The following RPGRIP1L variants were observed in gnomAD, a reference collection of about 807,000 sequenced individuals.
The protein encoded by RPGRIP1L is protein fantom.
RPGRIP1L carries 131 observed loss-of-function variants against 160.4 expected under a neutral mutation model. The ratio of observed to expected loss-of-function variants is 0.82; its 90% confidence interval spans 0.71 to 0.94. The LOEUF (loss-of-function observed/expected upper bound fraction) is 0.94. RPGRIP1L is among the 40% of genes least tolerant of loss of function. The pLI, the probability that RPGRIP1L is intolerant of heterozygous loss-of-function variation, is 0.00. For missense variants in RPGRIP1L, 1,522 were observed against 1,535.8 expected (o/e 0.99, Z 0.15); for synonymous variants, 510 against 515.8 (o/e 0.99, Z 0.15).
chr16:53,697,187 CAAA>C (rs889148406), intron 2 of RPGRIP1L, among the ~76,000 whole-genome samples: 1 of 107,558 alleles, frequency 9.3e-6, no homozygotes. Flanking sequence ...GACTCTGTCT[CAAA>C]AAAAAAAAAG....
At chr16:53,627,719 A>G (rs558231108) in intron 22 of RPGRIP1L, among the ~76,000 whole-genome samples, 53 of 152,224 alleles carry the variant, frequency 3.5e-4, no homozygotes, top group African/African-American at 1.1e-3. Flanking sequence ...CTTATTAATC[A>G]TTCTGCAATT....
intron 22 of RPGRIP1L, among the ~76,000 whole-genome samples, chr16:53,625,630 C>A (rs900477886): frequency 1.3e-5 from 2 of 152,266 alleles, no homozygotes; most frequent in Admixed American, 1.3e-4. Flanking sequence ...GCCGCCACCC[C>A]GTCTGGGACG....
intron 9 of RPGRIP1L, among the ~76,000 whole-genome samples, chr16:53,666,243 C>T (rs1968236434): frequency 6.6e-6 from 1 of 152,156 alleles, no homozygotes; most frequent in African/African-American, 2.4e-5. Flanking sequence ...ATTTTACTGC[C>T]TTTAAGATAA....
At chr16:53,660,962 A>C (rs1314048214) in intron 10 of RPGRIP1L, among the ~76,000 whole-genome samples, 2 of 151,906 alleles carry the variant, frequency 1.3e-5, no homozygotes, top group African/African-American at 4.8e-5. Flanking sequence ...TTACAAGGTT[A>C]TCCTAGAGTA....
chr16:53,607,503 T>C (rs1963761699), intron 25 of RPGRIP1L, among the ~76,000 whole-genome samples: 1 of 152,180 alleles, frequency 6.6e-6, no homozygotes, highest in Non-Finnish European at 1.5e-5. Flanking sequence ...TAAAACTGCT[T>C]GGAAGAGGAG....
intron 25 of RPGRIP1L, among the ~76,000 whole-genome samples, chr16:53,609,929 C>G (rs1485359431): frequency 6.6e-6 from 1 of 152,162 alleles, no homozygotes; most frequent in Non-Finnish European, 1.5e-5. Context: ...TTTGGAAGCT[C>G]TTTTGAAAAA....
chr16:53,653,193 T>C (rs138381156), intron 14 of RPGRIP1L: 4 of 542,978 alleles, frequency 7.4e-6, no homozygotes, highest in Non-Finnish European at 7.0e-6. Flanking sequence ...AGCAACAAAA[T>C]TGCAACTTCA....
intron 10 of RPGRIP1L, among the ~76,000 whole-genome samples, chr16:53,662,756 T>C (rs1235670714): frequency 6.6e-6 from 1 of 152,076 alleles, no homozygotes; most frequent in Admixed American, 6.5e-5. Flanking sequence ...ATCTGAGGTA[T>C]TCAAACAAAA....
intron 16 of RPGRIP1L, among the ~76,000 whole-genome samples, chr16:53,647,457 T>C (rs999880594): frequency 1.3e-5 from 2 of 152,228 alleles, no homozygotes; most frequent in African/African-American, 2.4e-5. Flanking sequence ...ACTCATTGTG[T>C]TACCTTCGCT....
intron 24 of RPGRIP1L, among the ~76,000 whole-genome samples, chr16:53,612,761 A>T (rs55662133): frequency 0.22 from 32,833 of 152,092 alleles, 3,687 homozygotes; most frequent in Middle Eastern, 0.35. Context: ...AAAATTTACC[A>T]TCCTAAATTA....
chr16:53,637,466 A>G (rs1425451152), intron 21 of RPGRIP1L, among the ~76,000 whole-genome samples: 1 of 152,226 alleles, frequency 6.6e-6, no homozygotes, highest in Non-Finnish European at 1.5e-5. Flanking sequence ...ATGGTCAGCA[A>G]TAACACTTGT....
intron 17 of RPGRIP1L, among the ~76,000 whole-genome samples, chr16:53,642,935 T>C (rs994582294): frequency 1.3e-5 from 2 of 152,306 alleles, no homozygotes; most frequent in African/African-American, 2.4e-5. Flanking sequence ...TCAATACTGG[T>C]TGGGGCAAGC....
intron 9 of RPGRIP1L, among the ~76,000 whole-genome samples, chr16:53,666,895 C>T (rs1968315031): frequency 6.6e-6 from 1 of 152,000 alleles, no homozygotes; most frequent in Non-Finnish European, 1.5e-5. Flanking sequence ...GAATTTAGTC[C>T]ACTGCTATCT....
intron 6 of RPGRIP1L, among the ~76,000 whole-genome samples, chr16:53,675,845 G>C (rs546804576): frequency 3.0e-4 from 45 of 152,102 alleles, no homozygotes; most frequent in Non-Finnish European, 5.7e-4. Context: ...TCTTGTTAAA[G>C]GTTAATCATA....
At chr16:53,617,152 C>CACA (rs1964439022) in intron 24 of RPGRIP1L, among the ~76,000 whole-genome samples, 1 of 145,314 alleles carries the variant, frequency 6.9e-6, no homozygotes, top group Admixed American at 7.0e-5. Flanking sequence ...TGTGAGAATG[C>CACA]ACAAAATTTG....
intron 24 of RPGRIP1L, among the ~76,000 whole-genome samples, chr16:53,612,623 T>TA (rs565222645): frequency 1.1e-3 from 160 of 147,606 alleles, no homozygotes; most frequent in Middle Eastern, 7.0e-3. Context: ...TCTCAGTGGT[T>TA]AAAAAAAAAA....
At chr16:53,692,504 C>T in intron 3 of RPGRIP1L, 140 bp from the exon 4 acceptor site, 1 of 773,772 alleles carries the variant, frequency 1.3e-6, no homozygotes, top group Non-Finnish European at 2.2e-6. Flanking sequence ...ACTATTACTG[C>T]CTGTGAAGAA....
At chr16:53,702,767 C>G (rs770217354) in intron 1 of RPGRIP1L, among the ~76,000 whole-genome samples, 2 of 151,964 alleles carry the variant, frequency 1.3e-5, no homozygotes, top group Non-Finnish European at 2.9e-5. Context: ...ATCCTCCCAC[C>G]TCAGCCTCCC....
intron 22 of RPGRIP1L, among the ~76,000 whole-genome samples, chr16:53,625,073 T>G (rs1188165300): frequency 6.6e-6 from 1 of 152,136 alleles, no homozygotes; most frequent in Middle Eastern, 3.2e-3. Flanking sequence ...GTGCTCAATG[T>G]TGCCCAGGCT....
Sources: allele counts gnomAD v4.1 joint callset (sites outside exome capture counted in the v4.1 genomes callset), GRCh38; gene constraint gnomAD v4.1.1; transcripts MANE v1.5; gene names NCBI Gene and HGNC (gene_info 2026-07-23, HGNC 2026-07-21).